The following TMEM132C variants were observed in gnomAD, a reference collection of about 807,000 sequenced individuals.
TMEM132C encodes the protein protein phosphatase 1, regulatory subunit 152.
Under a neutral mutation model 61.4 loss-of-function variants are expected in TMEM132C, and 29 were observed. That is an observed-to-expected ratio of 0.47 (90% CI 0.35 to 0.64). The LOEUF (loss-of-function observed/expected upper bound fraction) is 0.64, where lower values mean the gene tolerates loss of function less well. Among genes scored for constraint, TMEM132C ranks in the 30% least tolerant of loss-of-function variants. TMEM132C has a pLI of 0.00. For synonymous variants in TMEM132C, 656 were observed against 633.1 expected, an observed-to-expected ratio of 1.04 and a Z score of -0.54; for missense variants, 1,408 against 1,476.9, an observed-to-expected ratio of 0.95 and a Z score of 0.76.
At chr12:128,690,279 A>G (rs1954709864) in intron 5 of TMEM132C, among the ~76,000 whole-genome samples, 1 of 152,206 alleles carries the variant, frequency 6.6e-6, no homozygotes, top group African/African-American at 2.4e-5. Context: ...AAGCAGTCTG[A>G]GAAACAAAGC....
intron 2 of TMEM132C, among the ~76,000 whole-genome samples, chr12:128,428,504 T>A (rs541932482): frequency 6.6e-6 from 1 of 152,300 alleles, no homozygotes; most frequent in Admixed American, 6.5e-5. Context: ...TACACCCAAC[T>A]GTCATCCATT....
Position 128,600,115 on chromosome 12 carries a change from T to A in TMEM132C, c.1122-16037T>A, listed in dbSNP as rs1377887715. On this transcript the variant is annotated intron_variant, in intron 3 of 8. Coordinates refer to ENST00000435159, the MANE Select transcript of TMEM132C (RefSeq NM_001136103.3). The stretch of plus-strand genomic sequence containing the variant: ...CTCCTGCCTCAGCCTCCTGAGTAGC[T>A]GGGACTACAGACGCCCGCCACTGCG... Among the ~76,000 whole-genome samples, 9 of 152,256 alleles carry A rather than the reference T, an allele frequency of 5.9e-5. No individual in the cohort carries two copies. The South Asian group carries it at 1.0e-3, about 18-fold the overall frequency.
intron 2 of TMEM132C, among the ~76,000 whole-genome samples, chr12:128,525,346 C>T (rs4882775): frequency 0.85 from 113,817 of 133,478 alleles, 48,270 homozygotes; most frequent in East Asian, 0.93. Flanking sequence ...CTCTCTCTTT[C>T]TCTCTCTCTC....
chr12:128,652,096 TG>T (rs1262703929), intron 4 of TMEM132C, among the ~76,000 whole-genome samples: 3 of 152,322 alleles, frequency 2.0e-5, no homozygotes, highest in Admixed American at 6.5e-5. Flanking sequence ...GACTCTCCTT[TG>T]TGTTCTGACC....
In TMEM132C at chr12:128,485,906, C is replaced by G. The variant is rs139143356; in HGVS notation, c.975-58051C>G. On this transcript the variant is annotated intron_variant, in intron 2 of 8. Coordinates refer to ENST00000435159, the MANE Select transcript of TMEM132C (RefSeq NM_001136103.3). Reference sequence around the variant, plus strand: ...CTCCTCTAATTTGCATCCACTTTTCCTTTTGCGGCAGATGTATGTCATGTT... The same window carrying G: ...CTCCTCTAATTTGCATCCACTTTTCGTTTTGCGGCAGATGTATGTCATGTT... Among the ~76,000 whole-genome samples the G allele has an allele frequency of 7.5e-3, 1,137 of 152,222 alleles. 14 individuals carry two copies. The highest frequency in any genetic ancestry group is 0.026 in the African/African-American group (1,081 of 41,516).
intron 1 of TMEM132C, among the ~76,000 whole-genome samples, chr12:128,294,440 A>G (rs567207727): frequency 1.6e-4 from 24 of 152,324 alleles, no homozygotes; most frequent in African/African-American, 4.8e-4. Context: ...CTAATTCTGG[A>G]AAGAGTAGAA....
chr12:128,296,467 AGTTTATAT>A (rs1871419516), intron 1 of TMEM132C, among the ~76,000 whole-genome samples: 2 of 152,168 alleles, frequency 1.3e-5, no homozygotes, highest in African/African-American at 4.8e-5. Context: ...TAGGGTACAC[AGTTTATAT>A]GTTTATGGCT....
chr12:128,580,240 C>T (rs1196453229), intron 3 of TMEM132C, among the ~76,000 whole-genome samples: 1 of 151,878 alleles, frequency 6.6e-6, no homozygotes, highest in Non-Finnish European at 1.5e-5. Flanking sequence ...CACGGTGAAA[C>T]CCCATCTCTA....
intron 1 of TMEM132C, among the ~76,000 whole-genome samples, chr12:128,361,310 A>G (rs1415527124): frequency 2.6e-5 from 4 of 152,090 alleles, no homozygotes; most frequent in Non-Finnish European, 5.9e-5. Context: ...GAGGGGAAGG[A>G]TGGGAGGATA....
At chr12:128,631,370 T>G (rs1276712359) in intron 4 of TMEM132C, among the ~76,000 whole-genome samples, 1 of 152,248 alleles carries the variant, frequency 6.6e-6, no homozygotes, top group Admixed American at 6.5e-5. Context: ...GTGATGGAGT[T>G]GACTCACTAG....
intron 1 of TMEM132C, among the ~76,000 whole-genome samples, chr12:128,274,397 A>G (rs1033599693): frequency 6.6e-6 from 1 of 152,194 alleles, no homozygotes; most frequent in African/African-American, 2.4e-5. Context: ...TTATGGACTA[A>G]TTAGGAAGGT....
chr12:128,595,961 G>C (rs1415576947), intron 3 of TMEM132C, among the ~76,000 whole-genome samples: 1 of 152,254 alleles, frequency 6.6e-6, no homozygotes, highest in Non-Finnish European at 1.5e-5. Flanking sequence ...TAAGTCAGGT[G>C]GATGCGGGGA....
chr12:128,378,813 C>G (rs74456514), intron 1 of TMEM132C, among the ~76,000 whole-genome samples: 1,662 of 152,246 alleles, frequency 0.011, 31 homozygotes, highest in African/African-American at 0.038. Context: ...TCCCACGTAT[C>G]GTGGGAGGGA....
chr12:128,350,127 A>G (rs1384258735), intron 1 of TMEM132C, among the ~76,000 whole-genome samples: 6 of 152,226 alleles, frequency 3.9e-5, no homozygotes, highest in Non-Finnish European at 8.8e-5. Context: ...AAAATGAAGA[A>G]TTTTTTGGAT....
chr12:128,632,779 G>T (rs1193510579), intron 4 of TMEM132C, among the ~76,000 whole-genome samples: 1 of 152,142 alleles, frequency 6.6e-6, no homozygotes, highest in Non-Finnish European at 1.5e-5. Flanking sequence ...CTAGGCAAAG[G>T]CTTCTCCTGA....
At chr12:128,409,461 G>A (rs943783630) in intron 1 of TMEM132C, among the ~76,000 whole-genome samples, 9 of 152,102 alleles carry the variant, frequency 5.9e-5, no homozygotes, top group African/African-American at 1.9e-4. Context: ...AGCAACACTG[G>A]GGCTGTAAGT....
At chr12:128,343,384 A>G (rs1177369423) in intron 1 of TMEM132C, among the ~76,000 whole-genome samples, 1 of 149,308 alleles carries the variant, frequency 6.7e-6, no homozygotes, top group Non-Finnish European at 1.5e-5. Flanking sequence ...AGATCCCACC[A>G]CTGCACTCCA....
At chr12:128,690,449 C>T (rs543621337) in intron 5 of TMEM132C, among the ~76,000 whole-genome samples, 9 of 152,220 alleles carry the variant, frequency 5.9e-5, no homozygotes, top group South Asian at 2.1e-4. Context: ...ATAGCAGTGA[C>T]GATGGCTCTA....
chr12:128,532,807 C>T lies in TMEM132C; in HGVS notation c.975-11150C>T, dbSNP rs184401946. Reference sequence around the variant, plus strand: ...GGATAATGTAGAGCTGTCTACCCTCCGGTGAGCATGTCATCAACCCATGAG... The same window carrying T: ...GGATAATGTAGAGCTGTCTACCCTCTGGTGAGCATGTCATCAACCCATGAG... On this transcript the variant is annotated intron_variant, in intron 2 of 8. Transcript: ENST00000435159. 5.5e-4 allele frequency among the ~76,000 whole-genome samples: 83 copies of T among 152,206 alleles called. No homozygotes were observed. In the Middle Eastern group the frequency reaches 0.01, roughly 19 times the overall value.
Sources: gnomAD v4.1 joint callset for allele counts (sites outside exome capture counted in the v4.1 genomes callset) on GRCh38, gnomAD v4.1.1 for gene constraint, MANE v1.5 for transcripts, NCBI Gene and HGNC (gene_info 2026-07-23, HGNC 2026-07-21) for gene names.